Variants in CDC42SE2 observed in about 807,000 individuals in gnomAD.
CDC42SE2 encodes CDC42 small effector 2.
CDC42SE2 carries 3 observed loss-of-function variants against 11.5 expected under a neutral mutation model. The ratio of observed to expected loss-of-function variants is 0.26; its 90% CI spans 0.12 to 0.67. CDC42SE2 has a LOEUF of 0.67. Among genes scored for constraint, CDC42SE2 ranks in the 30% least tolerant of loss-of-function variants. The pLI is 0.80. For missense variants in CDC42SE2, 82 were observed against 106.8 expected, an observed-to-expected ratio of 0.77 and a Z score of 1.02; for synonymous variants, 33 against 34.8, an observed-to-expected ratio of 0.95 and a Z score of 0.18.
intron 3 of CDC42SE2, among the ~76,000 whole-genome samples, chr5:131,376,557 T>C (rs953365447): frequency 1.3e-5 from 2 of 152,176 alleles, no homozygotes; most frequent in African/African-American, 2.4e-5. Flanking sequence ...ATAGGTAAAC[T>C]GAGTCACAGA....
At chr5:131,246,772 T>TC (rs1285573702) in intron 1 of CDC42SE2, among the ~76,000 whole-genome samples, 1 of 150,744 alleles carries the variant, frequency 6.6e-6, no homozygotes, top group Non-Finnish European at 1.5e-5. Context: ...TTTTTTTTTT[T>TC]TTTTTTTGAG....
At chr5:131,240,915 T>C (rs1304188875), upstream of CDC42SE2, among the ~76,000 whole-genome samples, 2 of 152,184 alleles carry the variant, frequency 1.3e-5, no homozygotes, top group Non-Finnish European at 2.9e-5. Context: ...TGGATAACTT[T>C]AGTTTCCTGA....
At chr5:131,350,884 A>T (rs1450577040) in intron 2 of CDC42SE2, among the ~76,000 whole-genome samples, 1 of 152,190 alleles carries the variant, frequency 6.6e-6, no homozygotes, top group Non-Finnish European at 1.5e-5. Flanking sequence ...GGATTGACAA[A>T]TAGACAAGTG....
chr5:131,361,557 C>G (rs1383164375), intron 3 of CDC42SE2, among the ~76,000 whole-genome samples: 1 of 151,984 alleles, frequency 6.6e-6, no homozygotes, highest in Non-Finnish European at 1.5e-5. Flanking sequence ...TTACAGGGTG[C>G]TTTTTTAGTT....
At chr5:131,343,899 T>G (rs1402967356) in intron 2 of CDC42SE2, among the ~76,000 whole-genome samples, 3 of 152,172 alleles carry the variant, frequency 2.0e-5, no homozygotes. Flanking sequence ...TATTTTACTT[T>G]CCTCTTTATA....
intron 2 of CDC42SE2, among the ~76,000 whole-genome samples, chr5:131,258,703 CT>C (rs1378187187): frequency 1.3e-5 from 2 of 152,192 alleles, no homozygotes; most frequent in Non-Finnish European, 2.9e-5. Context: ...TTGGGAAACA[CT>C]GATCTGACTA....
Position 131,392,634 on chromosome 5 carries a change from A to G in CDC42SE2, c.*1543A>G, listed in dbSNP as rs1750695633. On this transcript the variant is annotated 3_prime_UTR_variant, in exon 5 of 5. Transcript: ENST00000505065. ...TGAGAGCAAGGACCTGTGGTTGTAA[A>G]CAGGTGTGGTTACAGGTGTGGTTAT... is the stretch of plus-strand genomic sequence containing the variant. 6.6e-6 allele frequency: 1 copy of G among 152,320 alleles called. No individual in the cohort carries two copies. The allele number at this position is 152,320 out of a possible 1,614,324, so 9.4% of individuals were successfully genotyped here.
rs1424776635 is a variant in CDC42SE2 at position 131,350,963 on chromosome 5, T to TTA, written c.-285-8245_-285-8244dup. Among the ~76,000 whole-genome samples the TTA allele has an allele frequency of 3.9e-5, 6 of 152,238 alleles. No homozygotes were observed. The South Asian group carries it at 1.2e-3, about 32-fold the overall frequency. ...TATTTTATTTTATTTTATTTTATTT[T>TTA]TAGAGAGGGTCTCACTCTGTCGCTC... On this transcript the variant is annotated intron_variant, in intron 2 of 4. Coordinates refer to ENST00000505065, the MANE Select transcript of CDC42SE2 (RefSeq NM_001375635.1).
chr5:131,211,179 A>T, the CDC42SE2 span, among the ~76,000 whole-genome samples: 1 of 152,142 alleles, frequency 6.6e-6, no homozygotes, highest in Non-Finnish European at 1.5e-5. Context: ...GACACCTCTC[A>T]TTGTGCTTCA....
chr5:131,336,396 C>T (rs1308815749), intron 2 of CDC42SE2, among the ~76,000 whole-genome samples: 2 of 152,130 alleles, frequency 1.3e-5, no homozygotes, highest in African/African-American at 4.8e-5. Context: ...CTCTGGCTGC[C>T]CTTAACATTT....
intron 2 of CDC42SE2, among the ~76,000 whole-genome samples, chr5:131,347,168 A>T (rs1758868204): frequency 6.6e-6 from 1 of 152,234 alleles, no homozygotes; most frequent in Admixed American, 6.5e-5. Context: ...TGAAGGAGAT[A>T]GAGACACAAA....
rs762827850 is a variant in CDC42SE2 at position 131,359,504 on chromosome 5, T to A, written c.11T>A (p.Phe4Tyr). MSE[F>Y]WLCFNCCIAE... ...CTGTGGACTGTAAGCATGAGTGAAT[T>A]CTGGTTGTGTTTCAACTGCTGTATT... is the stretch of plus-strand genomic sequence containing the variant. The change falls in exon 3 of 5, where the codon TTC (phenylalanine) becomes TAC (tyrosine). Residue 4 changes from phenylalanine to tyrosine, a missense_variant. Physicochemically the swap from Phe to Tyr is conservative, Grantham distance 22. Transcript: ENST00000505065. 3.1e-6 allele frequency: 5 copies of A among 1,613,208 alleles called. No individual in the cohort carries two copies. The Admixed American group carries it at 6.7e-5, about 22-fold the overall frequency.
intron 3 of CDC42SE2, among the ~76,000 whole-genome samples, chr5:131,378,061 A>G (rs1167783748): frequency 6.6e-6 from 1 of 152,232 alleles, no homozygotes; most frequent in Non-Finnish European, 1.5e-5. Flanking sequence ...GTAAGTTACA[A>G]TACAATGTTT....
chr5:131,365,183 G>A (rs1299383327), intron 3 of CDC42SE2, among the ~76,000 whole-genome samples: 2 of 152,016 alleles, frequency 1.3e-5, no homozygotes, highest in Non-Finnish European at 2.9e-5. Flanking sequence ...CCAGCTACTC[G>A]GGAGGCTGAG....
intron 1 of CDC42SE2, among the ~76,000 whole-genome samples, chr5:131,310,139 A>G (rs560650787): frequency 0.034 from 5,180 of 151,916 alleles, 297 homozygotes; most frequent in African/African-American, 0.12. Context: ...AGATTCTGGT[A>G]TGTTGTGTCT....
the CDC42SE2 span, among the ~76,000 whole-genome samples, chr5:131,238,514 A>AG: frequency 1.3e-4 from 19 of 151,802 alleles, no homozygotes; most frequent in East Asian, 1.5e-3. Flanking sequence ...AAAAAAAAAA[A>AG]AAAAAGTGAT....
chr5:131,273,402 C>A (rs1235959458), intron 1 of CDC42SE2, among the ~76,000 whole-genome samples: 2 of 150,186 alleles, frequency 1.3e-5, no homozygotes, highest in Admixed American at 1.3e-4. Flanking sequence ...GTGATCTGCC[C>A]AGCTTGGCCT....
the CDC42SE2 span, among the ~76,000 whole-genome samples, chr5:131,215,053 C>T: frequency 2.0e-5 from 3 of 152,094 alleles, no homozygotes; most frequent in African/African-American, 7.2e-5. Context: ...CTACTCAAAC[C>T]AAAAGAAAAA....
At chr5:131,354,367 A>G (rs1402624084) in intron 2 of CDC42SE2, among the ~76,000 whole-genome samples, 1 of 152,140 alleles carries the variant, frequency 6.6e-6, no homozygotes, top group Non-Finnish European at 1.5e-5. Flanking sequence ...CCAGGAGCCC[A>G]TAAGCACCTC....
Sources: allele counts gnomAD v4.1 joint callset (sites outside exome capture counted in the v4.1 genomes callset), GRCh38; gene constraint gnomAD v4.1.1; transcripts MANE v1.5; gene names NCBI Gene and HGNC (gene_info 2026-07-23, HGNC 2026-07-21).